The following RASD1 variants were observed in gnomAD, a reference collection of about 807,000 sequenced individuals.
RASD1 encodes dexamethasone-induced Ras-related protein 1.
RASD1 carries 13 observed loss-of-function variants against 16.7 expected under a neutral mutation model. The ratio of observed to expected loss-of-function variants is 0.78; its 90% confidence interval spans 0.51 to 1.24. The LOEUF is 1.24. RASD1 is among the 50% of genes most tolerant of loss of function. RASD1 has a pLI of 0.00. For missense variants in RASD1, 397 were observed against 407.5 expected, an observed-to-expected ratio of 0.97 and a Z score of 0.22; for synonymous variants, 170 against 172.6, an observed-to-expected ratio of 0.98 and a Z score of 0.12.
chr17:17,495,040 C>A lies in RASD1; in HGVS notation c.*85G>T, dbSNP rs1905363063. On this transcript the variant is annotated 3_prime_UTR_variant, in exon 2 of 2. Transcript: ENST00000225688. ...GAGGGGAGACGCCAGTCCGCGCGCG[C>A]TCCCGGCCTGGGGCGCACCGGGCCG... 3.3e-6 allele frequency: 5 copies of A among 1,530,192 alleles called. No individual in the cohort carries two copies. Among genetic ancestry groups the A allele is most frequent in the Non-Finnish European group, 4.4e-6 (5 of 1,135,490 alleles). 94.8% of individuals were successfully genotyped at this position (1,530,192 alleles called of 1,614,324 possible).
Sources: allele counts gnomAD v4.1 joint callset, GRCh38; gene constraint gnomAD v4.1.1; transcripts MANE v1.5; gene names NCBI Gene and HGNC (gene_info 2026-07-23, HGNC 2026-07-21).